Variants in ZNF608 observed in about 807,000 individuals in gnomAD.
The protein encoded by ZNF608 is renal carcinoma antigen NY-REN-36.
A neutral mutation model predicts 109.0 loss-of-function variants in ZNF608; 12 were observed. The ratio of observed to expected loss-of-function variants is 0.11; its 90% CI spans 0.07 to 0.18. The LOEUF (loss-of-function observed/expected upper bound fraction) is 0.18, where lower values mean the gene tolerates loss of function less well. ZNF608 is among the 10% of genes least tolerant of loss of function. The pLI is 1.00. For synonymous variants in ZNF608, 732 were observed against 717.4 expected (o/e 1.02, Z -0.33); for missense variants, 1,707 against 1,879.3 (o/e 0.91, Z 1.70).
intron 9 of ZNF608, 122 bp downstream of exon 9, chr5:124,639,011 T>C: frequency 1.0e-6 from 1 of 957,398 alleles, no homozygotes; most frequent in Non-Finnish European, 1.6e-6. Flanking sequence ...AATAAACACA[T>C]TCATTACAAT....
intron 2 of ZNF608, chr5:124,708,868 T>C: frequency 2.3e-6 from 1 of 433,344 alleles, no homozygotes; most frequent in Non-Finnish European, 4.6e-6. Context: ...CATGCCAAAA[T>C]TCCAGAATGC....
In ZNF608 at chr5:124,643,501, G is replaced by A. The variant is rs747684327; in HGVS notation, c.4296+10C>T. The stretch of plus-strand genomic sequence containing the variant: ...ACAGTACTTTTAAATAACAACAAAA[G>A]GAGGCTTACAGCAGGAGACTTGCTG... On this transcript the variant is annotated intron_variant, in intron 7 of 9. Transcript: ENST00000513986. 3 of 1,612,848 alleles carry A rather than the reference G, an allele frequency of 1.9e-6. No individual in the cohort carries two copies. The African/African-American group carries it at 4.0e-5, about 22-fold the overall frequency.
chr5:124,739,138 T>A (rs1252340360), intron 2 of ZNF608, among the ~76,000 whole-genome samples: 3 of 152,162 alleles, frequency 2.0e-5, no homozygotes, highest in African/African-American at 7.2e-5. Flanking sequence ...ACCATTAACA[T>A]GTCTGTTTCC....
intron 2 of ZNF608, among the ~76,000 whole-genome samples, chr5:124,724,010 C>G (rs1481856389): frequency 6.6e-6 from 1 of 151,848 alleles, no homozygotes; most frequent in Non-Finnish European, 1.5e-5. Flanking sequence ...CAGATTAAAG[C>G]CAGAAAATTA....
chr5:124,724,823 G>C (rs1253374776), intron 2 of ZNF608, among the ~76,000 whole-genome samples: 1 of 152,088 alleles, frequency 6.6e-6, no homozygotes, highest in East Asian at 1.9e-4. Flanking sequence ...TGAGAAATGA[G>C]AATGAAATCA....
chr5:124,674,105 G>A (rs1185036644), intron 3 of ZNF608, among the ~76,000 whole-genome samples: 5 of 152,160 alleles, frequency 3.3e-5, no homozygotes, highest in Non-Finnish European at 7.4e-5. Flanking sequence ...TCATCGTGGA[G>A]CTTGGCATTC....
intron 3 of ZNF608, among the ~76,000 whole-genome samples, chr5:124,680,378 A>C (rs1336005027): frequency 6.6e-6 from 1 of 152,074 alleles, no homozygotes; most frequent in African/African-American, 2.4e-5. Context: ...TTTAAGTCAT[A>C]GTTTATAAAG....
intron 3 of ZNF608, among the ~76,000 whole-genome samples, chr5:124,681,660 G>A (rs925271623): frequency 6.6e-5 from 10 of 152,126 alleles, no homozygotes; most frequent in African/African-American, 2.2e-4. Flanking sequence ...GAGGCAGGAC[G>A]ATCCCTTGAG....
chr5:124,705,420 A>T (rs1305588811), intron 2 of ZNF608, among the ~76,000 whole-genome samples: 1 of 152,124 alleles, frequency 6.6e-6, no homozygotes, highest in Non-Finnish European at 1.5e-5. Context: ...AGTAATAATA[A>T]CAATTACCCC....
intron 2 of ZNF608, among the ~76,000 whole-genome samples, chr5:124,716,612 T>C (rs1166632194): frequency 1.3e-5 from 2 of 152,294 alleles, no homozygotes; most frequent in Admixed American, 6.5e-5. Context: ...ATGACTTTTG[T>C]TTTGGTGGAG....
intron 1 of ZNF608, 171 bp downstream of exon 1, chr5:124,746,024 T>C: frequency 3.5e-6 from 2 of 564,940 alleles, no homozygotes; most frequent in Non-Finnish European, 4.5e-6. Context: ...AGACATACAC[T>C]TTAAGTGATC....
chr5:124,650,642 A>G (rs1750735929), intron 3 of ZNF608, among the ~76,000 whole-genome samples: 1 of 152,250 alleles, frequency 6.6e-6, no homozygotes, highest in Non-Finnish European at 1.5e-5. Context: ...ACAAATGCCA[A>G]ATTACAAAAA....
At chr5:124,682,175 C>T (rs536780817) in intron 3 of ZNF608, among the ~76,000 whole-genome samples, 2 of 152,308 alleles carry the variant, frequency 1.3e-5, no homozygotes, top group Admixed American at 6.5e-5. Context: ...CAGGTTCAAG[C>T]GATTCTCCTA....
chr5:124,712,849 G>GA (rs1490357173), intron 2 of ZNF608, among the ~76,000 whole-genome samples: 1 of 152,116 alleles, frequency 6.6e-6, no homozygotes, highest in East Asian at 1.9e-4. Flanking sequence ...CAATTTAGGT[G>GA]AAAAAATGAC....
At chr5:124,728,835 A>G (rs1748749752) in intron 2 of ZNF608, among the ~76,000 whole-genome samples, 1 of 152,148 alleles carries the variant, frequency 6.6e-6, no homozygotes, top group Admixed American at 6.5e-5. Flanking sequence ...AACAATGCGG[A>G]CTTTATCAAC....
At chr5:124,694,010 CTGT>C (rs967260747) in intron 3 of ZNF608, among the ~76,000 whole-genome samples, 2 of 47,298 alleles carry the variant, frequency 4.2e-5, no homozygotes, top group African/African-American at 7.8e-5. Flanking sequence ...GAGTCTCGCT[CTGT>C]TGCCCAGGCT....
rs981272851 is a variant in ZNF608 at position 124,701,234 on chromosome 5, C to T, written c.942G>A (p.Pro314=). Residue 314 remains proline (P), a synonymous_variant, in exon 3 of 10, where the codon CCG becomes CCA. Coordinates refer to ENST00000513986, the MANE Select transcript of ZNF608 (RefSeq NM_020747.3). ...DPLFTVPAPP[P]PISSSLTPQI... ...GAGGCGTGAGACTGCTGGAAATCGG[C>T]GGTGGTGGCGCTGGCACTGTAAACA... The T allele has an allele frequency of 5.0e-6, 8 of 1,613,982 alleles. No homozygotes were observed. Among genetic ancestry groups the T allele is most frequent in the East Asian group, 4.5e-5 (2 of 44,896 alleles).
chr5:124,744,134 C>T lies in ZNF608; in HGVS notation c.856G>A (p.Glu286Lys), dbSNP rs143376772. 22 of 1,610,360 alleles carry T rather than the reference C, an allele frequency of 1.4e-5. No homozygotes were observed. The highest frequency in any genetic ancestry group is 1.7e-5 in the Non-Finnish European group (20 of 1,178,456). Residue 286 changes from glutamate to lysine, a missense_variant, in exon 2 of 10, where the codon GAG (glutamate) becomes AAG (lysine). By Grantham distance (56) the Glu-to-Lys change is moderately conservative. Transcript: ENST00000513986. This position sits in a 1 kb window ranked among gnomAD's most constrained non-coding sequence, Gnocchi z 4.5. ...MGNSMLVKKE[E>K]EEEESHRRIK... ...CGCCTGTGGCTCTCCTCCTCCTCCT[C>T]TTCCTTCTTTACCAACATAGAGTTT...
intron 3 of ZNF608, among the ~76,000 whole-genome samples, chr5:124,695,162 C>T (rs963658239): frequency 2.0e-5 from 3 of 152,284 alleles, no homozygotes; most frequent in Middle Eastern, 3.4e-3. Context: ...CTGTTATAAT[C>T]GCCACTGACT....
Sources: gnomAD v4.1 joint callset for allele counts (sites outside exome capture counted in the v4.1 genomes callset) on GRCh38, gnomAD v4.1.1 for gene constraint, Gnocchi (gnomAD v3.1) non-coding constraint, MANE v1.5 for transcripts, NCBI Gene and HGNC (gene_info 2026-07-23, HGNC 2026-07-21) for gene names.